GSE1: variants seen among roughly 807,000 people sequenced by gnomAD.
GSE1 encodes Gse1 coiled-coil protein.
Under a neutral mutation model 112.6 loss-of-function variants are expected in GSE1, and 32 were observed. That is an observed-to-expected ratio of 0.28 (90% CI 0.21 to 0.38). The LOEUF is 0.38. GSE1 is among the 10% of genes least tolerant of loss of function. The pLI, the probability that GSE1 is intolerant of heterozygous loss-of-function variation, is 1.00. For synonymous variants in GSE1, 1,115 were observed against 735.6 expected (o/e 1.52, Z -8.35); for missense variants, 2,348 against 1,699.2 (o/e 1.38, Z -6.71).
chr16:85,348,286 C>T (rs558401471), intron 1 of GSE1, among the ~76,000 whole-genome samples: 1 of 143,448 alleles, frequency 7.0e-6, no homozygotes, highest in Admixed American at 6.9e-5. Context: ...TCTATCCATC[C>T]ATCCACTGTT....
At chr16:85,426,953 C>G (rs909539815) in intron 2 of GSE1, among the ~76,000 whole-genome samples, 1 of 152,124 alleles carries the variant, frequency 6.6e-6, no homozygotes, top group Non-Finnish European at 1.5e-5. Context: ...TGGTTTGAAT[C>G]CTGACTGTGC....
At chr16:85,527,232 G>A (rs539275127) in intron 2 of GSE1, among the ~76,000 whole-genome samples, 1 of 152,362 alleles carries the variant, frequency 6.6e-6, no homozygotes, top group South Asian at 2.1e-4. Flanking sequence ...GTCCGTGGGC[G>A]CGCAGGGGCT....
In GSE1 at chr16:85,311,282, CCT is replaced by C. The variant is rs1244881511; in HGVS notation, c.2284-46176_2284-46175del. ...TAGCCACGGAGAGAGGGTGTGCCAT[CCT>C]CTCTGCCAGGCAGCGGGCTCCCTGG... On this transcript the variant is annotated intron_variant, in intron 1 of 2. Coordinates refer to the GSE1 transcript ENST00000637419. This position sits in a 1 kb window ranked among gnomAD's most constrained non-coding sequence, Gnocchi z 4.2. Among the ~76,000 whole-genome samples the C allele has an allele frequency of 4.6e-5, 7 of 152,364 alleles. No homozygotes were observed. In the East Asian group the frequency reaches 1.4e-3, roughly 29 times the overall value.
intron 2 of GSE1, among the ~76,000 whole-genome samples, chr16:85,361,943 C>T (rs1274985172): frequency 6.6e-6 from 1 of 152,240 alleles, no homozygotes; most frequent in Admixed American, 6.5e-5. Flanking sequence ...AGTGGGGCCA[C>T]TCCCGGGCAA....
chr16:85,599,833 G>A (rs1367637000), intron 1 of GSE1, among the ~76,000 whole-genome samples: 1 of 152,224 alleles, frequency 6.6e-6, no homozygotes, highest in Non-Finnish European at 1.5e-5. Flanking sequence ...CCAGGAGTTA[G>A]AGGCTGCAGT....
chr16:85,659,907 T>C (rs1223472396), intron 8 of GSE1, among the ~76,000 whole-genome samples: 4 of 152,084 alleles, frequency 2.6e-5, no homozygotes, highest in Non-Finnish European at 5.9e-5. Context: ...GGCAGTGGGG[T>C]CGCTGCAGTT....
intron 1 of GSE1, among the ~76,000 whole-genome samples, chr16:85,324,687 C>T (rs2046189153): frequency 2.0e-5 from 3 of 151,996 alleles, no homozygotes; most frequent in African/African-American, 2.4e-5. Context: ...ATGACTGGGC[C>T]ATAAAAGGAA....
Position 85,582,684 on chromosome 16 carries a change from G to T in GSE1, c.37+26321G>T, listed in dbSNP as rs1598272960. ...TCAGTCCTCCCCGTGTTGATAAATT[G>T]AGCTTCTCTTCTCCACGGTTCAGGG... On this transcript the variant is annotated intron_variant, in intron 1 of 2. Coordinates refer to the GSE1 transcript ENST00000635906. 2.0e-5 allele frequency among the ~76,000 whole-genome samples: 3 copies of T among 152,234 alleles called. No individual in the cohort carries two copies. In the South Asian group the frequency reaches 6.2e-4, roughly 32 times the overall value.
intron 2 of GSE1, among the ~76,000 whole-genome samples, chr16:85,635,318 G>A (rs1296948981): frequency 6.6e-6 from 1 of 152,162 alleles, no homozygotes; most frequent in Non-Finnish European, 1.5e-5. Flanking sequence ...CTCGCCTCCT[G>A]GCTCTTCCTG....
chr16:85,670,927 G>C, intron 14 of GSE1, 68 bp from the exon 15 acceptor site: 2 of 956,970 alleles, frequency 2.1e-6, no homozygotes, highest in Non-Finnish European at 3.4e-6. Flanking sequence ...GGTGTGAAGA[G>C]GAGAGCACAA....
At chr16:85,550,742 C>T (rs964653203) in intron 2 of GSE1, among the ~76,000 whole-genome samples, 11 of 152,198 alleles carry the variant, frequency 7.2e-5, no homozygotes, top group Non-Finnish European at 1.5e-4. Context: ...TCTTGGCCAG[C>T]TAGGCTGTCT....
intron 2 of GSE1, among the ~76,000 whole-genome samples, chr16:85,425,284 A>C (rs1205724155): frequency 1.6e-5 from 1 of 61,370 alleles, no homozygotes; most frequent in Non-Finnish European, 5.2e-5. Context: ...GAGGACCCAG[A>C]AGGCAGGAGG....
rs889462334 is a variant in GSE1 at position 85,311,320 on chromosome 16, C to T, written c.2284-46143C>T. Among the ~76,000 whole-genome samples, 6 of 152,196 alleles carry T rather than the reference C, an allele frequency of 3.9e-5. No individual in the cohort carries two copies. The highest frequency in any genetic ancestry group is 9.7e-5 in the African/African-American group (4 of 41,450). ...CAGCGGGCTCCCTGGACAGGGTGGG[C>T]GTCGTTAGAGCAGAAACGGTGGTGG... On this transcript the variant is annotated intron_variant, in intron 1 of 2. Transcript: ENST00000637419. The surrounding 1 kb of genome is among the most constrained non-coding windows in gnomAD (Gnocchi z 4.2).
Position 85,628,026 on chromosome 16 carries a change from C to A in GSE1, c.8-5888C>A, listed in dbSNP as rs140513004. Among the ~76,000 whole-genome samples the A allele has an allele frequency of 7.1e-3, 1,086 of 152,280 alleles. 12 individuals carry two copies. Among genetic ancestry groups the A allele is most frequent in the African/African-American group, 0.025 (1,044 of 41,568 alleles). On this transcript the variant is annotated intron_variant, in intron 1 of 15. Coordinates refer to ENST00000253458, the MANE Select transcript of GSE1 (RefSeq NM_014615.5). ...CAGCCTTGAAGTGATCCCCACCAGG[C>A]CTGGAGGGGCAGGAGGCACGTGGGC...
At chr16:85,193,975 G>A (rs1449033872) in intron 1 of GSE1, among the ~76,000 whole-genome samples, 5 of 152,100 alleles carry the variant, frequency 3.3e-5, no homozygotes, top group South Asian at 2.1e-4. Flanking sequence ...GTGTGCGCGC[G>A]CGTGTTTGTG....
chr16:85,448,210 G>C (rs371033831), intron 2 of GSE1, among the ~76,000 whole-genome samples: 1 of 152,188 alleles, frequency 6.6e-6, no homozygotes, highest in African/African-American at 2.4e-5. Flanking sequence ...CTCGCTTTGT[G>C]TTCCAGCTGC....
chr16:85,435,725 T>C (rs1299920461), intron 2 of GSE1, among the ~76,000 whole-genome samples: 1 of 152,066 alleles, frequency 6.6e-6, no homozygotes, highest in Non-Finnish European at 1.5e-5. Flanking sequence ...TTCCCTCTCC[T>C]GACGTCTCCA....
chr16:85,608,541 G>T (rs141118287), upstream of GSE1, among the ~76,000 whole-genome samples: 1 of 152,262 alleles, frequency 6.6e-6, no homozygotes, highest in Admixed American at 6.5e-5. Context: ...ACCCCTGCAG[G>T]TGTATCTTTC....
intron 2 of GSE1, among the ~76,000 whole-genome samples, chr16:85,550,829 G>A (rs1037645785): frequency 6.6e-6 from 1 of 152,232 alleles, no homozygotes; most frequent in African/African-American, 2.4e-5. Context: ...GGTGTTGGGT[G>A]GGGGGCTGCA....
Sources: allele counts gnomAD v4.1 joint callset (sites outside exome capture counted in the v4.1 genomes callset), GRCh38; gene constraint gnomAD v4.1.1; non-coding constraint Gnocchi (gnomAD v3.1); transcripts MANE v1.5; gene names NCBI Gene and HGNC (gene_info 2026-07-23, HGNC 2026-07-21).